Variants in TRPV1 observed in about 807,000 individuals in gnomAD.
TRPV1 encodes transient receptor potential cation channel subfamily V member 1.
A neutral mutation model predicts 82.3 loss-of-function variants in TRPV1; 82 were observed. The observed-to-expected ratio is 1.00, with a 90% CI of 0.83 to 1.20. The LOEUF (loss-of-function observed/expected upper bound fraction) is 1.20. Ranked by LOEUF, TRPV1 falls within the 50% of genes most tolerant of loss-of-function variation. The probability of loss-of-function intolerance (pLI) is 0.00; values close to 1 mark genes in which losing one functional copy is unlikely to be tolerated. For missense variants in TRPV1, 1,067 were observed against 1,096.8 expected (o/e 0.97, Z 0.38); for synonymous variants, 515 against 467.7 (o/e 1.10, Z -1.30).
chr17:3,599,774 G>T (rs997308719), intron 2 of TRPV1, among the ~76,000 whole-genome samples: 2 of 151,904 alleles, frequency 1.3e-5, no homozygotes, highest in African/African-American at 4.8e-5. Context: ...GATTACGGGT[G>T]CATGCCACCA....
chr17:3,579,619 G>A (rs769233529), intron 11 of TRPV1, among the ~76,000 whole-genome samples: 1 of 152,128 alleles, frequency 6.6e-6, no homozygotes, highest in Admixed American at 6.5e-5. Context: ...GGGATTACAG[G>A]TGCGTGCCAC....
At chr17:3,583,908 G>A (rs224537) in intron 9 of TRPV1, among the ~76,000 whole-genome samples, 46,447 of 152,074 alleles carry the variant, frequency 0.31, 9,117 homozygotes, top group East Asian at 0.77. Flanking sequence ...ATTTCCTGGA[G>A]TGGGTCACCA....
At chr17:3,568,599 A>G (rs930517155) in intron 16 of TRPV1, among the ~76,000 whole-genome samples, 1 of 152,204 alleles carries the variant, frequency 6.6e-6, no homozygotes, top group Non-Finnish European at 1.5e-5. Flanking sequence ...TGGAGTATCT[A>G]GTACTGGGCT....
Position 3,591,894 on chromosome 17 carries a change from C to T in TRPV1, c.284+173G>A, listed in dbSNP as rs116836291. On this transcript the variant is annotated intron_variant, in intron 3 of 16. Coordinates refer to ENST00000572705, the MANE Select transcript of TRPV1 (RefSeq NM_080704.4). ...TAGACCCAGCACAGACACCAGCCCC[C>T]GTGACTGCACATCCCACGAGGTCAC... Among the ~76,000 whole-genome samples, 193 of 152,322 alleles carry T rather than the reference C, an allele frequency of 1.3e-3. 1 individual carries two copies. The highest frequency in any genetic ancestry group is 4.5e-3 in the African/African-American group (188 of 41,568).
Position 3,605,225 on chromosome 17 carries a change from G to A in TRPV1, c.-34+3202C>T, listed in dbSNP as rs1597559187. 3.9e-5 allele frequency among the ~76,000 whole-genome samples: 6 copies of A among 152,194 alleles called. No individual in the cohort carries two copies. The South Asian group carries it at 1.2e-3, about 32-fold the overall frequency. ...ACACTACCCACCTTCTAGATTAAATGAGGCCTGGCATGGTGCCTCATGCCT... is the reference window on the plus strand; with the variant it reads ...ACACTACCCACCTTCTAGATTAAATAAGGCCTGGCATGGTGCCTCATGCCT... On this transcript the variant is annotated intron_variant, in intron 2 of 16. Transcript: ENST00000572705.
intron 10 of TRPV1, among the ~76,000 whole-genome samples, chr17:3,583,133 C>T (rs1285396065): frequency 6.6e-6 from 1 of 152,124 alleles, no homozygotes; most frequent in African/African-American, 2.4e-5. Context: ...GCTTGCCTGC[C>T]TTGGGCCTGT....
chr17:3,570,374 A>G (rs1016855003), intron 16 of TRPV1, among the ~76,000 whole-genome samples: 1 of 59,158 alleles, frequency 1.7e-5, no homozygotes, highest in African/African-American at 4.2e-5. Context: ...CATCTCAGGA[A>G]AAAAAAAAAA....
rs199600911 is a variant in TRPV1, at chr17:3,585,779, C to T, written c.1372G>A (p.Val458Met). The T allele has an allele frequency of 1.0e-4, 166 of 1,613,198 alleles. 2 individuals are homozygous for T. The East Asian group carries it at 2.1e-3, about 20-fold the overall frequency. The change falls in exon 9 of 17, where the codon GTG becomes ATG. Residue 458 changes from valine (V) to methionine (M), a missense_variant. Coordinates refer to ENST00000572705, the MANE Select transcript of TRPV1 (RefSeq NM_080704.4). ...IFTMAAYYRP[V>M]DGLPPFKMEK... ...GCCTCTGGCCGCACCAAGCCATCCA[C>T]GGGCCTGTAGTAGGCAGCCATGGTG... is the stretch of plus-strand genomic sequence containing the variant.
chr17:3,607,783 C>G (rs1453709098), intron 2 of TRPV1, among the ~76,000 whole-genome samples: 1 of 151,998 alleles, frequency 6.6e-6, no homozygotes, highest in East Asian at 2.0e-4. Flanking sequence ...GTGATCCACC[C>G]GCCTCGGCCT....
At chr17:3,573,987 G>A (rs1235910455) in intron 13 of TRPV1, 32 bp from the exon 14 acceptor site, 2 of 1,535,854 alleles carry the variant, frequency 1.3e-6, no homozygotes, top group African/African-American at 1.4e-5. Context: ...GGGTGCCACT[G>A]GATAGAAGCC....
At position 3,573,802 on chromosome 17, in the gene TRPV1, A is replaced by G; in HGVS notation, c.1934T>C (p.Met645Thr). ...GTTCTCAGTGAACTCCAGGTCGCCC[A>G]TGCCGATGGTGAACTTGAACAGCTC... ...CLELFKFTIG[M>T]GDLEFTENYD... is the part of the protein sequence containing the mutation. The change falls in exon 14 of 17, where the codon ATG becomes ACG. Residue 645 changes from methionine (M) to threonine (T), a missense_variant. Transcript: ENST00000572705. 1 of 1,613,842 alleles carries G rather than the reference A, an allele frequency of 6.2e-7. No individual in the cohort carries two copies. Among genetic ancestry groups the G allele is most frequent in the Non-Finnish European group, 8.5e-7 (1 of 1,179,862 alleles).
rs1038179319 is a variant in TRPV1 at position 3,566,243 on chromosome 17, C to G, written c.*572G>C. On this transcript the variant is annotated 3_prime_UTR_variant, in exon 17 of 17. Transcript: ENST00000572705. Reference sequence around the variant, plus strand: ...TGGAGGCTCACACCTGTAATCCCAGCACTTTGGGAGGCCGAGGTGGGCGGA... The same window carrying G: ...TGGAGGCTCACACCTGTAATCCCAGGACTTTGGGAGGCCGAGGTGGGCGGA... 6.6e-6 allele frequency: 1 copy of G among 151,348 alleles called. No individual in the cohort carries two copies. Among genetic ancestry groups the G allele is most frequent in the Non-Finnish European group, 1.5e-5 (1 of 67,978 alleles). The allele number at this position is 151,348 out of a possible 1,614,324, so 9.4% of individuals were successfully genotyped here.
chr17:3,585,518 C>G (rs1162760701), intron 9 of TRPV1: 5 of 470,294 alleles, frequency 1.1e-5, no homozygotes, highest in Non-Finnish European at 1.9e-5. Context: ...ACACTCAGCC[C>G]CACAGGACCT....
In TRPV1 at chr17:3,591,373, C is replaced by T; in HGVS notation, c.285-20G>A. 1 of 1,552,642 alleles carries T rather than the reference C, an allele frequency of 6.4e-7. No individual in the cohort carries two copies. The highest frequency in any genetic ancestry group is 8.7e-7 in the Non-Finnish European group (1 of 1,152,584). ...AGCAGCCTGTGGGCCAGAAAACACG[C>T]TCGTCTCATACCCTGGCCTCCCCTC... On this transcript the variant is annotated intron_variant, in intron 3 of 16. Transcript: ENST00000572705.
intron 16 of TRPV1, 151 bp downstream of exon 16, chr17:3,571,373 T>C (rs2150824979): frequency 1.6e-6 from 1 of 609,530 alleles, no homozygotes; most frequent in Non-Finnish European, 2.9e-6. Flanking sequence ...CCCGTGACTA[T>C]GTGCTCATGG....
intron 10 of TRPV1, among the ~76,000 whole-genome samples, 166 bp downstream of exon 10, chr17:3,583,172 G>T (rs952553492): frequency 6.6e-6 from 1 of 152,188 alleles, no homozygotes; most frequent in South Asian, 2.1e-4. Context: ...CTCCCGCCCC[G>T]CGGTGACTGA....
rs772306368 is a variant in TRPV1, at chr17:3,590,107, TGCATGAACACAGG to T, written c.746-15_746-3del. On this transcript the variant is annotated splice_region_variant and splice_polypyrimidine_tract_variant and intron_variant, in intron 6 of 16. Transcript: ENST00000572705. ...CGGCCAGGGACAGGGGCAGTTCACC[TGCATGAACACAGG>T]GCCCAGGTGGGCCTCAGGAGTGAGA... 1 of 1,603,012 alleles carries T rather than the reference TGCATGAACACAGG, an allele frequency of 6.2e-7. No individual in the cohort carries two copies. Among genetic ancestry groups the T allele is most frequent in the South Asian group, 1.1e-5 (1 of 89,582 alleles).
chr17:3,568,231 A>G (rs1446094554), intron 16 of TRPV1, among the ~76,000 whole-genome samples: 2 of 151,166 alleles, frequency 1.3e-5, no homozygotes, highest in East Asian at 2.0e-4. Context: ...CTGAAGCAGG[A>G]GAATGGCGTG....
At chr17:3,572,809 C>G (rs965411529) in intron 14 of TRPV1, among the ~76,000 whole-genome samples, 1 of 152,034 alleles carries the variant, frequency 6.6e-6, no homozygotes, top group African/African-American at 2.4e-5. Context: ...ATGGTGAAAC[C>G]CCATCTCTAC....
Sources: gnomAD v4.1 joint callset for allele counts (sites outside exome capture counted in the v4.1 genomes callset) on GRCh38, gnomAD v4.1.1 for gene constraint, MANE v1.5 for transcripts, NCBI Gene and HGNC (gene_info 2026-07-23, HGNC 2026-07-21) for gene names.